The following SORCS2 variants were observed in gnomAD, a reference collection of about 807,000 sequenced individuals.
SORCS2 encodes sortilin related VPS10 domain containing receptor 2.
A neutral mutation model predicts 141.6 loss-of-function variants in SORCS2; 100 were observed. That is an observed-to-expected ratio of 0.71 (90% CI 0.60 to 0.83). SORCS2 has a LOEUF of 0.83. Among genes scored for constraint, SORCS2 ranks in the 40% least tolerant of loss-of-function variants. The probability of loss-of-function intolerance (pLI) is 0.00; values close to 1 mark genes in which losing one functional copy is unlikely to be tolerated. For missense variants in SORCS2, 1,646 were observed against 1,560.2 expected (o/e 1.05, Z -0.93); for synonymous variants, 789 against 676.9 (o/e 1.17, Z -2.57).
In SORCS2 at chr4:7,522,932, C is replaced by CT. The variant is rs1733430493; in HGVS notation, c.549-8598_549-8597insT. Among the ~76,000 whole-genome samples, 2 of 11,942 alleles carry CT rather than the reference C, an allele frequency of 1.7e-4. 1 individual carries two copies. Among genetic ancestry groups the CT allele is most frequent in the African/African-American group, 3.6e-4 (2 of 5,620 alleles). The allele number at this position is 11,942 out of a possible 152,430, so 7.8% of individuals were successfully genotyped here. ...CTCCCTCTTCTCTCCTCCCTGTTCCCCCTCCCTCTTCCCCCATCCTTCCCC... is the reference window on the plus strand; with the variant it reads ...CTCCCTCTTCTCTCCTCCCTGTTCCCTCCTCCCTCTTCCCCCATCCTTCCCC... On this transcript the variant is annotated intron_variant, in intron 2 of 26. Coordinates refer to ENST00000507866, the MANE Select transcript of SORCS2 (RefSeq NM_020777.3).
At chr4:7,729,961 G>T (rs542248383) in intron 23 of SORCS2, among the ~76,000 whole-genome samples, 168 of 152,220 alleles carry the variant, frequency 1.1e-3, no homozygotes, top group South Asian at 4.4e-3. Context: ...CTCCCAGGGG[G>T]CTCGCTCATT....
At chr4:7,391,210 C>T (rs1283696148) in intron 1 of SORCS2, among the ~76,000 whole-genome samples, 3 of 152,244 alleles carry the variant, frequency 2.0e-5, no homozygotes, top group Non-Finnish European at 4.4e-5. Context: ...ATTGACCTCC[C>T]AGTTCATGCT....
intron 1 of SORCS2, among the ~76,000 whole-genome samples, chr4:7,375,591 A>G (rs1366920928): frequency 1.3e-5 from 2 of 152,230 alleles, no homozygotes; most frequent in Non-Finnish European, 2.9e-5. Context: ...CCTCGATTGC[A>G]TGGAGGAACA....
intron 3 of SORCS2, among the ~76,000 whole-genome samples, chr4:7,630,641 C>T (rs1283165449): frequency 6.6e-6 from 1 of 152,210 alleles, no homozygotes; most frequent in Non-Finnish European, 1.5e-5. Context: ...TGTGTGCATT[C>T]AGCCACAGGG....
intron 3 of SORCS2, among the ~76,000 whole-genome samples, chr4:7,545,533 G>A (rs1361945139): frequency 6.6e-6 from 1 of 152,186 alleles, no homozygotes; most frequent in African/African-American, 2.4e-5. Flanking sequence ...GACAGTGACT[G>A]TGGCCACCAT....
In SORCS2 at chr4:7,488,007, G is replaced by A. The variant is rs1325540734; in HGVS notation, c.549-43523G>A. Among the ~76,000 whole-genome samples the A allele has an allele frequency of 5.9e-5, 9 of 152,280 alleles. No homozygotes were observed. In the East Asian group the frequency reaches 1.4e-3, roughly 23 times the overall value. On this transcript the variant is annotated intron_variant, in intron 2 of 26. Coordinates refer to ENST00000507866, the MANE Select transcript of SORCS2 (RefSeq NM_020777.3). ...GTGCTGGGCTTTCTTCCCTGTCACC[G>A]CCTCCAGGAGCGTAGCCCTGCGATG...
At chr4:7,465,157 G>A (rs1045006087) in intron 2 of SORCS2, among the ~76,000 whole-genome samples, 3 of 152,230 alleles carry the variant, frequency 2.0e-5, no homozygotes, top group Non-Finnish European at 4.4e-5. Context: ...ATGCTCTGCT[G>A]GGGCCAGGGG....
chr4:7,503,004 T>C (rs773225129), intron 2 of SORCS2, among the ~76,000 whole-genome samples: 2 of 152,244 alleles, frequency 1.3e-5, no homozygotes, highest in African/African-American at 4.8e-5. Context: ...TCCACCCGAT[T>C]TCACGTTTTA....
chr4:7,289,423 T>C (rs963329080), intron 1 of SORCS2, among the ~76,000 whole-genome samples: 2 of 152,182 alleles, frequency 1.3e-5, no homozygotes, highest in East Asian at 1.9e-4. Flanking sequence ...TCATCCCCAT[T>C]GTTTTGCAGA....
chr4:7,366,474 T>C (rs1303774628), intron 1 of SORCS2, among the ~76,000 whole-genome samples: 10 of 119,468 alleles, frequency 8.4e-5, no homozygotes, highest in South Asian at 3.2e-4. Context: ...AGCGTGCCCC[T>C]CCCCCCCTCT....
intron 8 of SORCS2, among the ~76,000 whole-genome samples, chr4:7,672,076 T>C (rs920785706): frequency 1.3e-5 from 2 of 152,024 alleles, no homozygotes; most frequent in African/African-American, 4.8e-5. Context: ...CCTGAGTAGT[T>C]GGGATTACAG....
chr4:7,534,935 T>C (rs1215995312), intron 3 of SORCS2, among the ~76,000 whole-genome samples: 2 of 152,312 alleles, frequency 1.3e-5, no homozygotes, highest in African/African-American at 4.8e-5. Flanking sequence ...GGGTTGGGGC[T>C]GGGAGTAGGG....
intron 1 of SORCS2, among the ~76,000 whole-genome samples, chr4:7,255,996 G>A (rs2108813188): frequency 6.6e-6 from 1 of 151,450 alleles, no homozygotes; most frequent in Middle Eastern, 3.4e-3. Flanking sequence ...TGGTGCATGG[G>A]GACCCTGGGC....
intron 3 of SORCS2, among the ~76,000 whole-genome samples, chr4:7,570,548 G>T (rs1225937077): frequency 1.3e-5 from 2 of 152,236 alleles, no homozygotes; most frequent in Non-Finnish European, 2.9e-5. Context: ...GCTCCCACCT[G>T]CCTCCCACAC....
chr4:7,451,706 T>TG (rs909141481), intron 2 of SORCS2, among the ~76,000 whole-genome samples: 13 of 152,124 alleles, frequency 8.5e-5, no homozygotes, highest in Admixed American at 2.0e-4. Context: ...ACTGGGGTGG[T>TG]GGGGGGGCTA....
At chr4:7,707,963 G>T (rs1725577730) in intron 14 of SORCS2, among the ~76,000 whole-genome samples, 1 of 152,198 alleles carries the variant, frequency 6.6e-6, no homozygotes, top group Non-Finnish European at 1.5e-5. Context: ...CGCCAGGCTG[G>T]TGTCCCTGGA....
rs530683357 is a variant in SORCS2, at chr4:7,243,875, CTTCACA to C, written c.480+50751_480+50756del. On this transcript the variant is annotated intron_variant, in intron 1 of 26. Coordinates refer to ENST00000507866, the MANE Select transcript of SORCS2 (RefSeq NM_020777.3). ...GGCCAAACCCTTCCCTGCTCTCTGTCTTCACATGCATTCCCCTCTCCCTGGCACGCA... is the reference window on the plus strand; with the variant it reads ...GGCCAAACCCTTCCCTGCTCTCTGTCTGCATTCCCCTCTCCCTGGCACGCA... Among the ~76,000 whole-genome samples, 14 of 152,326 alleles carry C rather than the reference CTTCACA, an allele frequency of 9.2e-5. No homozygotes were observed. The South Asian group carries it at 2.9e-3, about 32-fold the overall frequency.
intron 1 of SORCS2, among the ~76,000 whole-genome samples, chr4:7,291,268 G>A (rs1577360880): frequency 6.6e-6 from 1 of 152,154 alleles, no homozygotes; most frequent in African/African-American, 2.4e-5. Context: ...CCAGGAGAGG[G>A]TTTAAAAGCA....
intron 2 of SORCS2, among the ~76,000 whole-genome samples, chr4:7,517,153 T>C (rs1733041377): frequency 1.3e-5 from 2 of 152,154 alleles, no homozygotes; most frequent in Non-Finnish European, 2.9e-5. Flanking sequence ...TCAGACACAC[T>C]GAGGACACGC....
Sources: gnomAD v4.1 joint callset for allele counts (sites outside exome capture counted in the v4.1 genomes callset) on GRCh38, gnomAD v4.1.1 for gene constraint, MANE v1.5 for transcripts, NCBI Gene and HGNC (gene_info 2026-07-23, HGNC 2026-07-21) for gene names.